Variants in CNBD1 observed in about 807,000 individuals in gnomAD.
CNBD1 encodes the protein cyclic nucleotide-binding domain-containing protein 1.
Under a neutral mutation model 54.4 loss-of-function variants are expected in CNBD1, and 71 were observed. The ratio of observed to expected loss-of-function variants is 1.30; its 90% confidence interval spans 1.08 to 1.59. The LOEUF (loss-of-function observed/expected upper bound fraction) is 1.59, where lower values mean the gene tolerates loss of function less well. Among genes scored for constraint, CNBD1 ranks in the 40% most tolerant of loss-of-function variants. CNBD1 has a pLI of 0.00. For missense variants in CNBD1, 659 were observed against 518.0 expected (o/e 1.27, Z -2.64); for synonymous variants, 182 against 170.7 (o/e 1.07, Z -0.51).
intron 4 of CNBD1, among the ~76,000 whole-genome samples, chr8:87,067,559 G>A (rs773149613): frequency 6.6e-6 from 1 of 151,828 alleles, no homozygotes; most frequent in Non-Finnish European, 1.5e-5. Flanking sequence ...AACCAAATAC[G>A]GAAGGTTTCA....
At chr8:87,185,395 T>A (rs181159690) in intron 4 of CNBD1, among the ~76,000 whole-genome samples, 1 of 152,330 alleles carries the variant, frequency 6.6e-6, no homozygotes, top group East Asian at 1.9e-4. Flanking sequence ...TATTTTAATT[T>A]TACCTTGGTG....
chr8:87,238,946 A>G (rs1807635217), intron 6 of CNBD1, among the ~76,000 whole-genome samples: 1 of 152,074 alleles, frequency 6.6e-6, no homozygotes, highest in Non-Finnish European at 1.5e-5. Flanking sequence ...ACAATATCTC[A>G]GACGTCTGAG....
intron 4 of CNBD1, among the ~76,000 whole-genome samples, chr8:87,005,131 C>T (rs1809069891): frequency 6.6e-6 from 1 of 151,756 alleles, no homozygotes; most frequent in Non-Finnish European, 1.5e-5. Flanking sequence ...CGCTTGTAAT[C>T]CCAGCACTTT....
intron 6 of CNBD1, among the ~76,000 whole-genome samples, chr8:87,269,419 C>T (rs1353537854): frequency 2.6e-5 from 4 of 152,028 alleles, no homozygotes; most frequent in African/African-American, 9.7e-5. Context: ...TTTTTGGTTC[C>T]ATATGAATTT....
intron 4 of CNBD1, among the ~76,000 whole-genome samples, chr8:87,078,571 T>C (rs1423966941): frequency 6.6e-6 from 1 of 152,204 alleles, no homozygotes; most frequent in Non-Finnish European, 1.5e-5. Flanking sequence ...ATTACTTCCT[T>C]ATCAAAGATA....
chr8:87,224,225 G>T (rs1344635249), intron 5 of CNBD1, among the ~76,000 whole-genome samples: 4 of 151,038 alleles, frequency 2.6e-5, no homozygotes, highest in African/African-American at 9.8e-5. Context: ...TTCTTTTGCT[G>T]TGCAGAAGCT....
At chr8:87,030,756 C>T (rs932444449) in intron 4 of CNBD1, among the ~76,000 whole-genome samples, 1 of 151,996 alleles carries the variant, frequency 6.6e-6, no homozygotes, top group African/African-American at 2.4e-5. Flanking sequence ...GATGGAGGGA[C>T]ACACAGCTCC....
Position 87,248,169 on chromosome 8 carries a change from C to T in CNBD1, c.771+11057C>T, listed in dbSNP as rs188843507. Among the ~76,000 whole-genome samples the T allele has an allele frequency of 7.1e-4, 108 of 152,300 alleles. 1 individual carries two copies. Among genetic ancestry groups the T allele is most frequent in the Non-Finnish European group, 1.3e-3 (91 of 68,026 alleles). On this transcript the variant is annotated intron_variant, in intron 6 of 10. Transcript: ENST00000518476. Reference sequence around the variant, plus strand: ...AAACCAAGAATTGTTGCCTTGTTGTCAACATTGGTAGACTCATCAATCTGG... The same window carrying T: ...AAACCAAGAATTGTTGCCTTGTTGTTAACATTGGTAGACTCATCAATCTGG...
At chr8:87,229,771 T>C (rs993391613) in intron 5 of CNBD1, among the ~76,000 whole-genome samples, 1 of 152,178 alleles carries the variant, frequency 6.6e-6, no homozygotes, top group Non-Finnish European at 1.5e-5. Flanking sequence ...TCACTCTGCA[T>C]ATATGTCTGA....
At chr8:87,417,794 T>C (rs531502107) in intron 2 of CNBD1, among the ~76,000 whole-genome samples, 1 of 151,814 alleles carries the variant, frequency 6.6e-6, no homozygotes, top group East Asian at 2.0e-4. Flanking sequence ...GTATACTTAG[T>C]ATCAATATTA....
At chr8:87,039,914 G>T (rs1305613982) in intron 4 of CNBD1, among the ~76,000 whole-genome samples, 3 of 152,128 alleles carry the variant, frequency 2.0e-5, no homozygotes, top group Admixed American at 2.0e-4. Flanking sequence ...GCTGTCTTCT[G>T]CACTGAGTCA....
chr8:87,385,645 G>A (rs111378597), downstream of CNBD1, among the ~76,000 whole-genome samples: 2,889 of 152,182 alleles, frequency 0.019, 93 homozygotes, highest in African/African-American at 0.063. Context: ...GGGGCCCACC[G>A]CAGCACAAGG....
intron 4 of CNBD1, among the ~76,000 whole-genome samples, chr8:86,973,123 G>A (rs1808263120): frequency 6.6e-6 from 1 of 152,104 alleles, no homozygotes; most frequent in African/African-American, 2.4e-5. Flanking sequence ...GATCCATACT[G>A]TTTGGCTCCT....
chr8:87,216,995 C>T (rs1309072160), intron 5 of CNBD1, among the ~76,000 whole-genome samples: 1 of 152,086 alleles, frequency 6.6e-6, no homozygotes, highest in Non-Finnish European at 1.5e-5. Context: ...AATTCTCTCC[C>T]TGTTATCTGT....
At chr8:86,892,913 T>C (rs1808794508) in intron 2 of CNBD1, among the ~76,000 whole-genome samples, 1 of 152,090 alleles carries the variant, frequency 6.6e-6, no homozygotes, top group African/African-American at 2.4e-5. Context: ...AATAAAGAAA[T>C]GAAGAGATAG....
In CNBD1 at chr8:87,320,437, T is replaced by C. The variant is rs1370182199; in HGVS notation, c.1043-31248T>C. On this transcript the variant is annotated intron_variant, in intron 8 of 10. Transcript: ENST00000518476. ...AAAACATTACTGAGACTATCTTCAA[T>C]GGTTTCTGCAAACACATTATATGTG... Among the ~76,000 whole-genome samples, 10 of 152,266 alleles carry C rather than the reference T, an allele frequency of 6.6e-5. No homozygotes were observed. In the East Asian group the frequency reaches 1.9e-3, roughly 29 times the overall value.
At chr8:87,312,182 A>G (rs1267210777) in intron 8 of CNBD1, among the ~76,000 whole-genome samples, 2 of 152,234 alleles carry the variant, frequency 1.3e-5, no homozygotes, top group African/African-American at 4.8e-5. Flanking sequence ...GCAATAAAAC[A>G]TATATTCCCC....
Position 87,323,710 on chromosome 8 carries a change from G to C in CNBD1, c.1043-27975G>C, listed in dbSNP as rs74414540. Reference sequence around the variant, plus strand: ...GCTTAAGGAGATTTTGGACTGAGACGATGGGGTTTTCTAGATAAACAATCA... The same window carrying C: ...GCTTAAGGAGATTTTGGACTGAGACCATGGGGTTTTCTAGATAAACAATCA... On this transcript the variant is annotated intron_variant, in intron 8 of 10. Transcript: ENST00000518476. 9.0e-4 allele frequency among the ~76,000 whole-genome samples: 105 copies of C among 117,166 alleles called. 1 individual carries two copies. The highest frequency in any genetic ancestry group is 3.2e-3 in the African/African-American group (99 of 31,160). 76.9% of individuals were successfully genotyped at this position (117,166 alleles called of 152,430 possible). A position where few individuals can be genotyped will look rare whatever the true frequency, so the allele number is the denominator to read the frequency against.
intron 6 of CNBD1, among the ~76,000 whole-genome samples, chr8:87,262,207 T>A (rs540575128): frequency 6.6e-6 from 1 of 152,232 alleles, no homozygotes; most frequent in East Asian, 1.9e-4. Context: ...TGTTGAACAT[T>A]ATGTTTTTAT....
Sources: allele counts gnomAD v4.1 joint callset (sites outside exome capture counted in the v4.1 genomes callset), GRCh38; gene constraint gnomAD v4.1.1; transcripts MANE v1.5; gene names NCBI Gene and HGNC (gene_info 2026-07-23, HGNC 2026-07-21).